The following SCN10A variants were observed in gnomAD, a reference collection of about 807,000 sequenced individuals.
The protein encoded by SCN10A is sodium voltage-gated channel alpha subunit 10, also known as sodium channel protein type 10 subunit alpha.
SCN10A carries 162 observed loss-of-function variants against 170.7 expected under a neutral mutation model. That is an observed-to-expected ratio of 0.95 (90% CI 0.84 to 1.08). The LOEUF is 1.08. Among genes scored for constraint, SCN10A ranks in the 50% least tolerant of loss-of-function variants. The probability of loss-of-function intolerance (pLI) is 0.00; values close to 1 mark genes in which losing one functional copy is unlikely to be tolerated. For synonymous variants in SCN10A, 985 were observed against 904.6 expected (o/e 1.09, Z -1.59); for missense variants, 2,527 against 2,436.9 (o/e 1.04, Z -0.78).
At chr3:38,707,138 C>T in intron 26 of SCN10A, 141 bp downstream of exon 26, 2 of 765,784 alleles carry the variant, frequency 2.6e-6, no homozygotes, top group Middle Eastern at 8.2e-4. Flanking sequence ...GGCCTAGGAA[C>T]CCTCATCACC....
rs530038819 is a variant in SCN10A at position 38,789,007 on chromosome 3, A to T, written c.419T>A (p.Ile140Asn). The T allele has an allele frequency of 6.2e-7, 1 of 1,612,190 alleles. No homozygotes were observed. Among genetic ancestry groups the T allele is most frequent in the Non-Finnish European group, 8.5e-7 (1 of 1,178,472 alleles). ...SWFSLFITVT[I>N]LVNCVCMTRT... ...GGTCATGCACACACAATTAACCAAA[A>T]TAGTGACCGTAATAAATAAACTGAA... The change falls in exon 4 of 28, where the codon ATT (isoleucine) becomes AAT (asparagine). Residue 140 changes from isoleucine (I) to asparagine (N), a missense_variant. Transcript: ENST00000449082.
intron 4 of SCN10A, among the ~76,000 whole-genome samples, chr3:38,774,760 C>T (rs2064051273): frequency 6.6e-6 from 1 of 152,166 alleles, no homozygotes; most frequent in Non-Finnish European, 1.5e-5. Flanking sequence ...TCCCATTTGC[C>T]AGCCAAAGCA....
rs2063239685 is a variant in SCN10A at position 38,708,890 on chromosome 3, G to A, written c.4281+588C>T. Among the ~76,000 whole-genome samples, 3 of 152,328 alleles carry A rather than the reference G, an allele frequency of 2.0e-5. No homozygotes were observed. The South Asian group carries it at 6.2e-4, about 32-fold the overall frequency. ...ATCTCAGTTACGCAAATCTAGAACAGCGCCTATCTACCTCAGGGGTATGGA... is the reference window on the plus strand; with the variant it reads ...ATCTCAGTTACGCAAATCTAGAACAACGCCTATCTACCTCAGGGGTATGGA... On this transcript the variant is annotated intron_variant, in intron 25 of 27. Coordinates refer to ENST00000449082, the MANE Select transcript of SCN10A (RefSeq NM_006514.4).
intron 5 of SCN10A, among the ~76,000 whole-genome samples, chr3:38,770,383 G>A (rs1346808885): frequency 6.6e-6 from 1 of 152,180 alleles, no homozygotes; most frequent in Admixed American, 6.5e-5. Context: ...GGGGGCAGGG[G>A]TAGGTGAGTC....
intron 2 of SCN10A, 88 bp from the exon 3 acceptor site, chr3:38,792,256 T>C: frequency 6.5e-7 from 1 of 1,527,638 alleles, no homozygotes; most frequent in Non-Finnish European, 8.9e-7. Context: ...AGGCATTATC[T>C]CAGGCTTATG....
At chr3:38,719,167 G>A (rs1428351678) in intron 20 of SCN10A, among the ~76,000 whole-genome samples, 2 of 152,162 alleles carry the variant, frequency 1.3e-5, no homozygotes, top group Non-Finnish European at 2.9e-5. Flanking sequence ...AAAAATAAAA[G>A]CATCAACGGA....
intron 10 of SCN10A, among the ~76,000 whole-genome samples, chr3:38,756,301 T>TA (rs57346275): frequency 0.086 from 12,197 of 142,512 alleles, 982 homozygotes; most frequent in African/African-American, 0.2. Flanking sequence ...ATGGGGAGGG[T>TA]AAAAAAAAAA....
At chr3:38,806,456 A>G (rs1559473192) in intron 1 of SCN10A, among the ~76,000 whole-genome samples, 1 of 152,136 alleles carries the variant, frequency 6.6e-6, no homozygotes, top group South Asian at 2.1e-4. Flanking sequence ...AGAAACCTTG[A>G]GTTATAATAA....
chr3:38,758,917 C>G (rs1002043650), intron 8 of SCN10A, among the ~76,000 whole-genome samples: 1 of 152,202 alleles, frequency 6.6e-6, no homozygotes, highest in Admixed American at 6.5e-5. Context: ...ATTATCTAGA[C>G]AGAAGGATGC....
rs1192005964 is a variant in SCN10A, at chr3:38,726,753, G to C, written c.2940C>G (p.Pro980=). 1 of 1,612,372 alleles carries C rather than the reference G, an allele frequency of 6.2e-7. No homozygotes were observed. The highest frequency in any genetic ancestry group is 1.3e-5 in the African/African-American group (1 of 75,010). ...CGATGAAGTCACTGTGCTCATCCCT[G>C]GGGCCTCTGGGAGCTTGGAGCCCTC... The part of the protein sequence containing the change: ...SSGGLQAPRG[P]RDEHSDFIAN... The change falls in exon 17 of 28, where the codon CCC becomes CCG. Residue 980 remains proline (P), a synonymous_variant. Transcript: ENST00000449082.
At chr3:38,770,267 G>A (rs2063983115) in intron 5 of SCN10A, among the ~76,000 whole-genome samples, 1 of 152,170 alleles carries the variant, frequency 6.6e-6, no homozygotes, top group Admixed American at 6.5e-5. Flanking sequence ...AAGTTGGCCA[G>A]GGTAAATATT....
Position 38,793,746 on chromosome 3 carries a change from G to A in SCN10A, c.265C>T (p.His89Tyr). Reference sequence around the variant, plus strand: ...TTCCTACTAGTAGCTCTTACCCGGTGTGTGCTGTAGAACGGATCTAGATCC... The same window carrying A: ...TTCCTACTAGTAGCTCTTACCCGGTATGTGCTGTAGAACGGATCTAGATCC... ...LEDLDPFYSTHRTFMVLNKGR... is the reference protein window; with the variant it reads ...LEDLDPFYSTYRTFMVLNKGR... Residue 89 changes from histidine to tyrosine, a missense_variant, in exon 2 of 28, where the codon CAC becomes TAC. His to Tyr is a moderately conservative substitution (Grantham distance 83, BLOSUM62 2). Coordinates refer to ENST00000449082, the MANE Select transcript of SCN10A (RefSeq NM_006514.4). 6.2e-7 allele frequency: 1 copy of A among 1,613,128 alleles called. No homozygotes were observed. Among genetic ancestry groups the A allele is most frequent in the Non-Finnish European group, 8.5e-7 (1 of 1,179,344 alleles).
At chr3:38,732,773 T>C (rs146386441) in intron 15 of SCN10A, among the ~76,000 whole-genome samples, 22 of 152,286 alleles carry the variant, frequency 1.4e-4, no homozygotes, top group Non-Finnish European at 2.6e-4. Context: ...TGTGGGTCAG[T>C]TGTAATTGGC....
At chr3:38,786,487 G>A (rs888350256) in intron 4 of SCN10A, among the ~76,000 whole-genome samples, 1 of 152,064 alleles carries the variant, frequency 6.6e-6, no homozygotes, top group Non-Finnish European at 1.5e-5. Context: ...GAGGGGTTGG[G>A]GGCTAGGGGA....
At chr3:38,708,815 A>G (rs2063238804) in intron 25 of SCN10A, among the ~76,000 whole-genome samples, 1 of 152,200 alleles carries the variant, frequency 6.6e-6, no homozygotes, top group Non-Finnish European at 1.5e-5. Flanking sequence ...ATGCAAACCC[A>G]GGTTTGCATG....
rs185622522 is a variant in SCN10A, at chr3:38,761,482, A to T, written c.692-99T>A. The T allele has an allele frequency of 4.7e-6, 5 of 1,063,802 alleles. No homozygotes were observed. In the African/African-American group the frequency reaches 6.4e-5, roughly 14 times the overall value. The allele number at this position is 1,063,802 out of a possible 1,614,324, so 65.9% of individuals were successfully genotyped here. On this transcript the variant is annotated intron_variant, in intron 6 of 27. Transcript: ENST00000449082. ...ATCCTCCTTCATCTCTACATACAGGAGTGAAGTATGTACACACTCCAGGGC... is the reference window on the plus strand; with the variant it reads ...ATCCTCCTTCATCTCTACATACAGGTGTGAAGTATGTACACACTCCAGGGC...
intron 1 of SCN10A, among the ~76,000 whole-genome samples, chr3:38,810,098 G>T (rs2064430731): frequency 6.6e-6 from 1 of 152,134 alleles, no homozygotes; most frequent in East Asian, 1.9e-4. Context: ...CCTACCAAAA[G>T]CATGAGCCCC....
In SCN10A at chr3:38,712,355, C is replaced by T. The variant is rs938377844; in HGVS notation, c.3895G>A (p.Gly1299Ser). ...AACTTCCCTGCGAAGAGGTTCACAC[C>T]CATGATGCTGAAGATGAGCCAGAAG... ...LIFWLIFSIM[G>S]VNLFAGKFWR... is the part of the protein sequence containing the mutation. Residue 1299 changes from glycine to serine, a missense_variant, in exon 23 of 28, where the codon GGT (glycine) becomes AGT (serine). Coordinates refer to ENST00000449082, the MANE Select transcript of SCN10A (RefSeq NM_006514.4). The T allele has an allele frequency of 1.9e-6, 3 of 1,614,116 alleles. No homozygotes were observed. Among genetic ancestry groups the T allele is most frequent in the Admixed American group, 1.7e-5 (1 of 60,022 alleles).
chr3:38,726,509 GTCAAGGTCTCC>G, intron 17 of SCN10A, 86 bp downstream of exon 17: 1 of 989,830 alleles, frequency 1.0e-6, no homozygotes. Context: ...ACTTCTTTAT[GTCAAGGTCTCC>G]TCTGCATTTC....
Sources: allele counts gnomAD v4.1 joint callset (sites outside exome capture counted in the v4.1 genomes callset), GRCh38; gene constraint gnomAD v4.1.1; transcripts MANE v1.5; gene names NCBI Gene and HGNC (gene_info 2026-07-23, HGNC 2026-07-21).